MAP4K3: variants seen among roughly 807,000 people sequenced by gnomAD.
The protein encoded by MAP4K3 is MAPK/ERK kinase kinase kinase 3.
A neutral mutation model predicts 143.5 loss-of-function variants in MAP4K3; 94 were observed. That is an observed-to-expected ratio of 0.65 (90% confidence interval 0.55 to 0.78). The LOEUF is 0.78. Ranked by LOEUF, MAP4K3 falls within the 30% of genes least tolerant of loss-of-function variation. MAP4K3 has a pLI of 0.00. For missense variants in MAP4K3, 1,077 were observed against 1,068.1 expected (o/e 1.01, Z -0.12); for synonymous variants, 416 against 347.2 (o/e 1.20, Z -2.20).
At chr2:39,351,671 A>G (rs1420146974) in intron 3 of MAP4K3, among the ~76,000 whole-genome samples, 1 of 152,084 alleles carries the variant, frequency 6.6e-6, no homozygotes, top group Non-Finnish European at 1.5e-5. Context: ...AGGTTTATTT[A>G]TTTTACTTTA....
chr2:39,322,224 T>C (rs928492238), intron 12 of MAP4K3, among the ~76,000 whole-genome samples: 1 of 152,196 alleles, frequency 6.6e-6, no homozygotes, highest in East Asian at 1.9e-4. Flanking sequence ...TTTGATCTAA[T>C]ATACAGTAGC....
At chr2:39,427,415 G>T (rs577938993) in intron 1 of MAP4K3, among the ~76,000 whole-genome samples, 1 of 152,130 alleles carries the variant, frequency 6.6e-6, no homozygotes, top group Non-Finnish European at 1.5e-5. Flanking sequence ...AAGAAACAGT[G>T]AGCAAAGAAA....
chr2:39,344,612 T>C (rs555188795), intron 3 of MAP4K3, among the ~76,000 whole-genome samples: 1 of 152,204 alleles, frequency 6.6e-6, no homozygotes, highest in Non-Finnish European at 1.5e-5. Context: ...TATCCCTTTA[T>C]AGAAAAAGTC....
Position 39,286,891 on chromosome 2 carries a change from T to G in MAP4K3, c.1548A>C (p.Arg516Ser), listed in dbSNP as rs755421340. ...TTTCTTTTCTTGAAAGGTTTGTGCC[T>G]CTATGTTCATTCTGTTGTTGACATA... Reference protein sequence around the residue: ...GSLCQQQNEHRGTNLSRKEKK... With the variant: ...GSLCQQQNEHSGTNLSRKEKK... The change falls in exon 21 of 34, where the codon AGA (arginine) becomes AGC (serine). Residue 516 changes from arginine to serine, a missense_variant. Coordinates refer to ENST00000263881, the MANE Select transcript of MAP4K3 (RefSeq NM_003618.4). 1.9e-6 allele frequency: 3 copies of G among 1,610,512 alleles called. No individual in the cohort carries two copies. Among genetic ancestry groups the G allele is most frequent in the East Asian group, 4.5e-5 (2 of 44,716 alleles).
chr2:39,318,302 T>C (rs1182391975), intron 12 of MAP4K3, among the ~76,000 whole-genome samples: 3 of 152,116 alleles, frequency 2.0e-5, no homozygotes, highest in Non-Finnish European at 4.4e-5. Flanking sequence ...GCTTATGACC[T>C]GGGTGACAAA....
At chr2:39,304,130 T>C (rs899105555) in intron 15 of MAP4K3, among the ~76,000 whole-genome samples, 1 of 147,030 alleles carries the variant, frequency 6.8e-6, no homozygotes, top group Non-Finnish European at 1.5e-5. Context: ...TCTTCTGGCT[T>C]CATATATTAA....
intron 1 of MAP4K3, among the ~76,000 whole-genome samples, chr2:39,381,694 T>C (rs1164538733): frequency 6.6e-6 from 1 of 152,230 alleles, no homozygotes; most frequent in Non-Finnish European, 1.5e-5. Flanking sequence ...CTTTTGCCTA[T>C]GGATATGAAA....
intron 22 of MAP4K3, among the ~76,000 whole-genome samples, chr2:39,281,183 C>T (rs112612941): frequency 2.0e-5 from 3 of 152,138 alleles, no homozygotes; most frequent in African/African-American, 7.2e-5. Context: ...GCCATGTTGG[C>T]CTAAATTAAA....
At chr2:39,363,619 A>C (rs1558667087) in intron 2 of MAP4K3, among the ~76,000 whole-genome samples, 1 of 149,618 alleles carries the variant, frequency 6.7e-6, no homozygotes, top group Non-Finnish European at 1.5e-5. Context: ...CAGTGAGCCA[A>C]GACTGTGCCA....
intron 1 of MAP4K3, among the ~76,000 whole-genome samples, chr2:39,396,332 C>A (rs1666804078): frequency 6.6e-6 from 1 of 152,106 alleles, no homozygotes; most frequent in African/African-American, 2.4e-5. Flanking sequence ...AGCCACTGCA[C>A]CCGGCCTACA....
rs1681987432 is a variant in MAP4K3, at chr2:39,290,313, A to T, written c.1293T>A (p.Ile431=). 1 of 1,608,004 alleles carries T rather than the reference A, an allele frequency of 6.2e-7. No homozygotes were observed. Among genetic ancestry groups the T allele is most frequent in the Non-Finnish European group, 8.5e-7 (1 of 1,177,604 alleles). Residue 431 remains isoleucine, a synonymous_variant, in exon 19 of 34, where the codon ATT becomes ATA. Coordinates refer to ENST00000263881, the MANE Select transcript of MAP4K3 (RefSeq NM_003618.4). The stretch of plus-strand genomic sequence containing the variant: ...CTACCTTTGGTGGCAAAGGAGGTGG[A>T]ATTTTTGCTTTCAGAGTTGAGCTAA... ...ESKHSTLKAK[I]PPPLPPKPKS... is the part of the protein sequence containing the mutation.
At chr2:39,278,718 G>A (rs545947235) in intron 23 of MAP4K3, among the ~76,000 whole-genome samples, 27 of 152,326 alleles carry the variant, frequency 1.8e-4, no homozygotes, top group Middle Eastern at 3.4e-3. Context: ...GTTCTGAAGA[G>A]TGGCATAGTA....
At position 39,258,439 on chromosome 2, in the gene MAP4K3, A is replaced by T; in HGVS notation, c.2379T>A (p.Cys793Ter). The T allele has an allele frequency of 3.1e-6, 5 of 1,607,262 alleles. No homozygotes were observed. The highest frequency in any genetic ancestry group is 4.3e-6 in the Non-Finnish European group (5 of 1,174,800). ...ERDTILVCLD[C>*]CIKIVNLQGR... Reference sequence around the variant, plus strand: ...CTTGGAGATTTACTATTTTTATACAACCTAGAGGAAAAAAAGTCACTCAGA... The same window carrying T: ...CTTGGAGATTTACTATTTTTATACATCCTAGAGGAAAAAAAGTCACTCAGA... The change falls in exon 31 of 34, where the codon TGT (cysteine) becomes TGA (stop). Residue 793 changes from cysteine (C) to a stop codon, truncating the protein, a stop_gained and splice_region_variant. Transcript: ENST00000263881. LOFTEE classifies it high-confidence loss of function.
At chr2:39,337,052 C>T (rs577615560) in intron 5 of MAP4K3, 85 bp from the exon 6 acceptor site, 1 of 646,508 alleles carries the variant, frequency 1.5e-6, no homozygotes, top group East Asian at 2.9e-5. Context: ...GGGTAGTATT[C>T]TGTGTATTTT....
intron 3 of MAP4K3, among the ~76,000 whole-genome samples, chr2:39,347,246 G>A (rs1416914441): frequency 6.6e-6 from 1 of 152,092 alleles, no homozygotes; most frequent in Non-Finnish European, 1.5e-5. Flanking sequence ...AATATCAATA[G>A]ATATAATTCA....
At chr2:39,391,441 A>G (rs1176942623) in intron 1 of MAP4K3, among the ~76,000 whole-genome samples, 1 of 151,014 alleles carries the variant, frequency 6.6e-6, no homozygotes. Context: ...GCACACCAGC[A>G]CATTAAAAGA....
chr2:39,316,415 C>T (rs1558642523), intron 12 of MAP4K3, among the ~76,000 whole-genome samples: 1 of 152,060 alleles, frequency 6.6e-6, no homozygotes, highest in East Asian at 1.9e-4. Context: ...AAAGGCTATC[C>T]AGGTATACAG....
At chr2:39,416,005 A>ATATATATATATATATATAT (rs57578495) in intron 1 of MAP4K3, among the ~76,000 whole-genome samples, 1 of 91,552 alleles carries the variant, frequency 1.1e-5, no homozygotes, top group Non-Finnish European at 2.1e-5. Context: ...ATATATATAT[A>ATATATATATATATATATAT]AAAATAACAT....
At chr2:39,353,736 T>TAGCAGCAGCAGCAGC (rs150401154) in intron 3 of MAP4K3, among the ~76,000 whole-genome samples, 2 of 151,166 alleles carry the variant, frequency 1.3e-5, no homozygotes, top group East Asian at 1.9e-4. Context: ...GTAGTAGTAG[T>TAGCAGCAGCAGCAGC]AGCAGCAGCA....
Sources: allele counts gnomAD v4.1 joint callset (sites outside exome capture counted in the v4.1 genomes callset), GRCh38; gene constraint gnomAD v4.1.1; transcripts MANE v1.5; gene names NCBI Gene and HGNC (gene_info 2026-07-23, HGNC 2026-07-21).